AGBL4: variants seen among roughly 807,000 people sequenced by gnomAD.
The protein encoded by AGBL4 is AGBL carboxypeptidase 4.
Under a neutral mutation model 66.4 loss-of-function variants are expected in AGBL4, and 58 were observed. That is an observed-to-expected ratio of 0.87 (90% confidence interval 0.71 to 1.09). AGBL4 has a LOEUF of 1.09. AGBL4 is among the 50% of genes least tolerant of loss of function. The probability of loss-of-function intolerance (pLI) is 0.00; values close to 1 mark genes in which losing one functional copy is unlikely to be tolerated. For missense variants in AGBL4, 579 were observed against 631.0 expected, an observed-to-expected ratio of 0.92 and a Z score of 0.88; for synonymous variants, 234 against 222.9, an observed-to-expected ratio of 1.05 and a Z score of -0.44.
intron 4 of AGBL4, among the ~76,000 whole-genome samples, chr1:49,134,529 A>G (rs7415715): frequency 1.6e-5 from 2 of 127,276 alleles, no homozygotes; most frequent in South Asian, 5.1e-4. Context: ...GTTCATTATT[A>G]ATATTCCTTA....
At chr1:48,864,265 G>T (rs1291637623) in intron 6 of AGBL4, among the ~76,000 whole-genome samples, 1 of 152,092 alleles carries the variant, frequency 6.6e-6, no homozygotes, top group Non-Finnish European at 1.5e-5. Context: ...ATGACAACTG[G>T]CAAAATTTAT....
intron 4 of AGBL4, among the ~76,000 whole-genome samples, chr1:49,114,896 T>G (rs1645484732): frequency 6.6e-6 from 1 of 152,148 alleles, no homozygotes; most frequent in Non-Finnish European, 1.5e-5. Context: ...GATCACTGAT[T>G]ACAAATCACC....
intron 3 of AGBL4, among the ~76,000 whole-genome samples, chr1:49,526,350 T>C (rs1439083677): frequency 6.6e-6 from 1 of 152,068 alleles, no homozygotes; most frequent in Non-Finnish European, 1.5e-5. Flanking sequence ...ATTTGTACTT[T>C]GTGTGTCTTG....
chr1:48,580,875 T>G (rs992723867), intron 11 of AGBL4, among the ~76,000 whole-genome samples: 1 of 152,210 alleles, frequency 6.6e-6, no homozygotes, highest in Non-Finnish European at 1.5e-5. Context: ...ATCCTTTGGA[T>G]GTAGCATCCT....
chr1:49,360,628 A>T (rs2148534998), intron 3 of AGBL4, among the ~76,000 whole-genome samples: 1 of 152,250 alleles, frequency 6.6e-6, no homozygotes, highest in African/African-American at 2.4e-5. Context: ...CTAATTTCTA[A>T]ATGTACTCAG....
intron 6 of AGBL4, among the ~76,000 whole-genome samples, chr1:48,837,902 TA>T (rs1432520280): frequency 6.6e-6 from 1 of 151,302 alleles, no homozygotes; most frequent in African/African-American, 2.4e-5. Context: ...GGGAAGCCAT[TA>T]AAGGGTTTTA....
intron 2 of AGBL4, chr1:49,844,596 A>G: frequency 1.6e-6 from 2 of 1,259,646 alleles, no homozygotes; most frequent in Non-Finnish European, 2.2e-6. Context: ...ACATTTCAAA[A>G]TCATTAGTTT....
At chr1:49,058,538 T>C (rs1285741828) in intron 4 of AGBL4, among the ~76,000 whole-genome samples, 1 of 152,208 alleles carries the variant, frequency 6.6e-6, no homozygotes, top group Admixed American at 6.5e-5. Context: ...TTACCCAGTT[T>C]TGTGTATTTC....
At chr1:49,821,460 T>C (rs1303398660) in intron 2 of AGBL4, among the ~76,000 whole-genome samples, 2 of 152,180 alleles carry the variant, frequency 1.3e-5, no homozygotes, top group African/African-American at 4.8e-5. Flanking sequence ...ACTCCAAATG[T>C]TCAAGAGTGC....
intron 3 of AGBL4, among the ~76,000 whole-genome samples, chr1:49,400,808 A>T (rs907026662): frequency 1.3e-5 from 2 of 152,290 alleles, no homozygotes. Flanking sequence ...TATCATTTGC[A>T]AACAAGAATA....
At chr1:49,165,494 GT>G (rs1238021091) in intron 4 of AGBL4, among the ~76,000 whole-genome samples, 1 of 152,100 alleles carries the variant, frequency 6.6e-6, no homozygotes, top group Non-Finnish European at 1.5e-5. Flanking sequence ...TTGGGAAGCT[GT>G]TGTCGGGGAT....
chr1:49,627,492 T>A (rs1457995466), intron 3 of AGBL4, among the ~76,000 whole-genome samples: 1 of 152,110 alleles, frequency 6.6e-6, no homozygotes, highest in Non-Finnish European at 1.5e-5. Flanking sequence ...CCTTTCAGGC[T>A]CCTGATGAAT....
chr1:49,771,823 G>A (rs1391611880), intron 2 of AGBL4, among the ~76,000 whole-genome samples: 1 of 151,778 alleles, frequency 6.6e-6, no homozygotes, highest in Non-Finnish European at 1.5e-5. Context: ...CCTGCTTTTG[G>A]TTTCTATTTT....
rs116283037 is a variant in AGBL4 at position 49,301,993 on chromosome 1, T to C, written c.283-56129A>G. On this transcript the variant is annotated intron_variant, in intron 3 of 13. Coordinates refer to ENST00000371839, the MANE Select transcript of AGBL4 (RefSeq NM_032785.4). ...TCCTTGCTCAGCTGCCTTGTTAAAC[T>C]TTCTTGGATGCAACATCTGCTGTCT... is the stretch of plus-strand genomic sequence containing the variant. 5.8e-3 allele frequency among the ~76,000 whole-genome samples: 888 copies of C among 152,262 alleles called. 10 individuals are homozygous for C. Among genetic ancestry groups the C allele is most frequent in the African/African-American group, 0.02 (848 of 41,560 alleles).
intron 1 of AGBL4, among the ~76,000 whole-genome samples, chr1:49,918,352 G>A (rs1045054298): frequency 4.3e-4 from 65 of 152,010 alleles, no homozygotes; most frequent in Non-Finnish European, 4.1e-4. Flanking sequence ...GACTAATAAA[G>A]AAGAAAAGAG....
At chr1:49,303,695 C>G (rs1367620871) in intron 3 of AGBL4, among the ~76,000 whole-genome samples, 1 of 151,946 alleles carries the variant, frequency 6.6e-6, no homozygotes, top group Non-Finnish European at 1.5e-5. Flanking sequence ...AAGCTGATCT[C>G]AAACTCCTGG....
At chr1:49,569,701 C>T (rs775130387) in intron 3 of AGBL4, among the ~76,000 whole-genome samples, 4 of 152,046 alleles carry the variant, frequency 2.6e-5, no homozygotes, top group Non-Finnish European at 5.9e-5. Flanking sequence ...ATGTACATTG[C>T]ACACAATAAG....
At chr1:49,720,420 TAGA>T (rs1292920564) in intron 2 of AGBL4, among the ~76,000 whole-genome samples, 1 of 152,186 alleles carries the variant, frequency 6.6e-6, no homozygotes, top group African/African-American at 2.4e-5. Context: ...TTTTGGCTAC[TAGA>T]AGAAGTTTTA....
At chr1:48,721,907 T>C (rs1056481033) in intron 6 of AGBL4, among the ~76,000 whole-genome samples, 23 of 152,190 alleles carry the variant, frequency 1.5e-4, no homozygotes, top group African/African-American at 5.3e-4. Context: ...TTAATGAGTG[T>C]GCACTATATG....
Sources: gnomAD v4.1 joint callset for allele counts (sites outside exome capture counted in the v4.1 genomes callset) on GRCh38, gnomAD v4.1.1 for gene constraint, MANE v1.5 for transcripts, NCBI Gene and HGNC (gene_info 2026-07-23, HGNC 2026-07-21) for gene names.